The following ANO2 variants were observed in gnomAD, a reference collection of about 807,000 sequenced individuals.
ANO2 encodes anoctamin-2.
In ANO2, 101 loss-of-function variants were observed where a neutral mutation model predicts 124.2. The ratio of observed to expected loss-of-function variants is 0.81; its 90% CI spans 0.69 to 0.96. The LOEUF (loss-of-function observed/expected upper bound fraction) is 0.96. Ranked by LOEUF, ANO2 falls within the 40% of genes least tolerant of loss-of-function variation. ANO2 has a pLI of 0.00. For missense variants in ANO2, 1,293 were observed against 1,274.5 expected, an observed-to-expected ratio of 1.01 and a Z score of -0.22; for synonymous variants, 486 against 482.5, an observed-to-expected ratio of 1.01 and a Z score of -0.09.
rs1951415242 is a variant in ANO2, at chr12:5,750,906, T to G, written c.1120A>C (p.Ile374Leu). 6.2e-7 allele frequency: 1 copy of G among 1,611,640 alleles called. No homozygotes were observed. Among genetic ancestry groups the G allele is most frequent in the Non-Finnish European group, 8.5e-7 (1 of 1,178,710 alleles). Reference sequence around the variant, plus strand: ...ATCACTCCAATTACAGAAGATGGGATGAGGAATGATGTATATAATCCCAGC... The same window carrying G: ...ATCACTCCAATTACAGAAGATGGGAGGAGGAATGATGTATATAATCCCAGC... ...AWLGLYTSFL[I>L]PSSVIGVIVF... Residue 374 changes from isoleucine to leucine, a missense_variant, in exon 11 of 25, where the codon ATC becomes CTC. By Grantham distance (5) the Ile-to-Leu change is conservative. Coordinates refer to ENST00000682330, the MANE Select transcript of ANO2 (RefSeq NM_001364791.2).
chr12:5,751,496 G>A (rs1319975918), intron 10 of ANO2, among the ~76,000 whole-genome samples: 1 of 152,166 alleles, frequency 6.6e-6, no homozygotes, highest in Non-Finnish European at 1.5e-5. Context: ...GGTTTCTTTG[G>A]ATGATGGGCT....
chr12:5,818,450 TATATATATATATA>T (rs1953679636), intron 7 of ANO2, among the ~76,000 whole-genome samples: 9 of 1,210 alleles, frequency 7.4e-3, no homozygotes, highest in Non-Finnish European at 0.049. Context: ...ACTCATATTA[TATATATATATATA>T]TATATATATA....
chr12:5,853,193 G>T (rs1954972655), intron 4 of ANO2, among the ~76,000 whole-genome samples: 1 of 145,952 alleles, frequency 6.9e-6, no homozygotes, highest in African/African-American at 2.5e-5. Flanking sequence ...GTAGAGGTGG[G>T]GTTTTGCTAT....
intron 16 of ANO2, among the ~76,000 whole-genome samples, chr12:5,616,342 G>A (rs1310692962): frequency 6.6e-6 from 1 of 152,146 alleles, no homozygotes; most frequent in Non-Finnish European, 1.5e-5. Flanking sequence ...CAAGGGGAAA[G>A]GCATCTCTCT....
In ANO2 at chr12:5,683,280, TC is replaced by T. The variant is rs139830699; in HGVS notation, c.1546-35480del. 7.0e-3 allele frequency among the ~76,000 whole-genome samples: 1,062 copies of T among 151,916 alleles called. 13 individuals are homozygous for T. The highest frequency in any genetic ancestry group is 0.025 in the African/African-American group (1,034 of 41,404). On this transcript the variant is annotated intron_variant, in intron 14 of 24. Coordinates refer to ENST00000682330, the MANE Select transcript of ANO2 (RefSeq NM_001364791.2). ...ATCTTATTTTAGGGAAAAAGAAAAATCAAGAAACAGGAAAAAGATTGACGTG... is the reference window on the plus strand; with the variant it reads ...ATCTTATTTTAGGGAAAAAGAAAAATAAGAAACAGGAAAAAGATTGACGTG...
chr12:5,799,238 C>T (rs1360156027), intron 10 of ANO2, among the ~76,000 whole-genome samples: 1 of 152,204 alleles, frequency 6.6e-6, no homozygotes, highest in African/African-American at 2.4e-5. Flanking sequence ...TCCCAGAGAA[C>T]AGGCAGGGAA....
At chr12:5,563,708 T>G in intron 24 of ANO2, 140 bp from the exon 25 acceptor site, 5 of 1,125,194 alleles carry the variant, frequency 4.4e-6, no homozygotes, top group Non-Finnish European at 5.1e-6. Context: ...AGCATAACTC[T>G]ACCTTGGTGT....
chr12:5,809,673 C>T (rs575923867), intron 7 of ANO2, among the ~76,000 whole-genome samples: 8 of 152,216 alleles, frequency 5.3e-5, no homozygotes, highest in Non-Finnish European at 1.2e-4. Context: ...GCCATGCGCC[C>T]TATCCCCCAT....
chr12:5,754,915 TC>T (rs778681549), intron 10 of ANO2, among the ~76,000 whole-genome samples: 32 of 152,080 alleles, frequency 2.1e-4, no homozygotes, highest in Non-Finnish European at 1.3e-4. Context: ...TATTTATTTA[TC>T]CCCTAATCTA....
intron 4 of ANO2, among the ~76,000 whole-genome samples, chr12:5,837,210 G>A (rs12308993): frequency 0.012 from 1,274 of 103,746 alleles, 20 homozygotes; most frequent in African/African-American, 0.037. Context: ...CAGCATCCAC[G>A]GGGCCAGGAG....
intron 3 of ANO2, among the ~76,000 whole-genome samples, chr12:5,879,399 GA>G (rs1228300228): frequency 6.6e-6 from 1 of 152,154 alleles, no homozygotes; most frequent in Non-Finnish European, 1.5e-5. Context: ...ATCAGAAGAG[GA>G]AAAATAATCT....
chr12:5,940,760 A>C (rs6489675), intron 1 of ANO2, among the ~76,000 whole-genome samples: 61,041 of 151,974 alleles, frequency 0.4, 13,182 homozygotes, highest in East Asian at 0.79. Context: ...TAGGTATATG[A>C]CCAAGAGAAC....
rs780503944 is a variant in ANO2 at position 5,787,350 on chromosome 12, G to T, written c.1055+12157C>A. Among the ~76,000 whole-genome samples, 7 of 152,036 alleles carry T rather than the reference G, an allele frequency of 4.6e-5. No individual in the cohort carries two copies. Among genetic ancestry groups the T allele is most frequent in the Non-Finnish European group, 8.8e-5 (6 of 68,026 alleles). Reference sequence around the variant, plus strand: ...GGGTACGGTCCAAAATCCCTAACCAGCCCAAAAGCTCCTCCGTGACCTGGC... The same window carrying T: ...GGGTACGGTCCAAAATCCCTAACCATCCCAAAAGCTCCTCCGTGACCTGGC... On this transcript the variant is annotated intron_variant, in intron 10 of 24. Transcript: ENST00000682330. This position sits in a 1 kb window ranked among gnomAD's most constrained non-coding sequence, Gnocchi z 4.2.
chr12:5,868,530 C>T (rs1399422468), intron 3 of ANO2, among the ~76,000 whole-genome samples: 1 of 152,218 alleles, frequency 6.6e-6, no homozygotes, highest in Non-Finnish European at 1.5e-5. Flanking sequence ...ATAGTAGGTG[C>T]TCAATGCTAA....
intron 14 of ANO2, among the ~76,000 whole-genome samples, chr12:5,717,707 T>C (rs1950074002): frequency 6.6e-6 from 1 of 152,214 alleles, no homozygotes. Context: ...ATTCTCACTG[T>C]AGGCAGGAGC....
intron 1 of ANO2, among the ~76,000 whole-genome samples, chr12:5,937,148 C>T (rs938166481): frequency 1.3e-5 from 2 of 152,186 alleles, no homozygotes; most frequent in Admixed American, 6.5e-5. Context: ...CTGTTTTCCA[C>T]AATGACTGCA....
At position 5,668,512 on chromosome 12, in the gene ANO2, C is replaced by T. The variant is rs1445252865; in HGVS notation, c.1546-20711G>A. Among the ~76,000 whole-genome samples the T allele has an allele frequency of 2.6e-5, 4 of 152,068 alleles. No homozygotes were observed. In the East Asian group the frequency reaches 7.7e-4, roughly 29 times the overall value. The stretch of plus-strand genomic sequence containing the variant: ...CTCTGTAGGCTGCCTGCTCACTCTG[C>T]AATAGTTTCTTACCATGTGCAGAAG... On this transcript the variant is annotated intron_variant, in intron 14 of 24. Transcript: ENST00000682330.
In ANO2 at chr12:5,563,492, T is replaced by C. The variant is rs1425519834; in HGVS notation, c.2804A>G (p.Lys935Arg). The C allele has an allele frequency of 1.9e-6, 3 of 1,613,892 alleles. No individual in the cohort carries two copies. The Admixed American group carries it at 5.0e-5, about 27-fold the overall frequency. The change falls in exon 25 of 25, where the codon AAG becomes AGG. Residue 935 changes from lysine (K) to arginine (R), a missense_variant. By Grantham distance (26) the Lys-to-Arg change is conservative (BLOSUM62 2). Coordinates refer to ENST00000682330, the MANE Select transcript of ANO2 (RefSeq NM_001364791.2). Reference protein sequence around the residue: ...DIPTDISDQIKKEKSLLVDFF... With the variant: ...DIPTDISDQIRKEKSLLVDFF... Reference sequence around the variant, plus strand: ...ATCCACTAATAAGCTCTTCTCTTTCTTGATCTGGTCGCTGATGTCCGTGGG... The same window carrying C: ...ATCCACTAATAAGCTCTTCTCTTTCCTGATCTGGTCGCTGATGTCCGTGGG...
chr12:5,767,229 A>G (rs961640179), intron 10 of ANO2, among the ~76,000 whole-genome samples: 7 of 152,196 alleles, frequency 4.6e-5, no homozygotes, highest in African/African-American at 7.2e-5. Context: ...TGTTCTTAGT[A>G]GTGTCATGGG....
Sources: allele counts gnomAD v4.1 joint callset (sites outside exome capture counted in the v4.1 genomes callset), GRCh38; gene constraint gnomAD v4.1.1; non-coding constraint Gnocchi (gnomAD v3.1); transcripts MANE v1.5; gene names NCBI Gene and HGNC (gene_info 2026-07-23, HGNC 2026-07-21).